HCFC1: variants seen among roughly 807,000 people sequenced by gnomAD.
The protein encoded by HCFC1 is host cell factor 1.
A neutral mutation model predicts 105.5 loss-of-function variants in HCFC1; 7 were observed. The ratio of observed to expected loss-of-function variants is 0.07; its 90% CI spans 0.04 to 0.12. HCFC1 has a LOEUF of 0.12. Among genes scored for constraint, HCFC1 ranks in the 10% least tolerant of loss-of-function variants. The pLI, the probability that HCFC1 is intolerant of heterozygous loss-of-function variation, is 1.00. For synonymous variants in HCFC1, 918 were observed against 828.1 expected, an observed-to-expected ratio of 1.11 and a Z score of -1.86; for missense variants, 1,065 against 1,823.6, an observed-to-expected ratio of 0.58 and a Z score of 7.58.
intron 9 of HCFC1, among the ~76,000 whole-genome samples, chrX:153,959,104 T>A (rs998905250): frequency 2.7e-5 from 3 of 113,131 alleles, no homozygotes; most frequent in Non-Finnish European, 5.6e-5. Context: ...AAAGTCCACG[T>A]GGCAAATGCT....
rs782321258 is a variant in HCFC1, at chrX:153,949,391, G to A, written c.6069-5C>T. 7.0e-5 allele frequency: 84 copies of A among 1,202,368 alleles called. No individual in the cohort carries two copies. The South Asian group carries it at 1.4e-3, about 21-fold the overall frequency. On this transcript the variant is annotated splice_polypyrimidine_tract_variant and splice_region_variant and intron_variant, in intron 25 of 25. Coordinates refer to ENST00000310441, the MANE Select transcript of HCFC1 (RefSeq NM_005334.3). Reference sequence around the variant, plus strand: ...GATTTCTTTGGAGCAGATTTCCTTGGAAGGCAGAAAAAGGAAAGAGAAAGT... The same window carrying A: ...GATTTCTTTGGAGCAGATTTCCTTGAAAGGCAGAAAAAGGAAAGAGAAAGT...
Position 153,962,301 on chromosome X carries a change from G to C in HCFC1, c.718C>G (p.Leu240Val). 1 of 1,204,955 alleles carries C rather than the reference G, an allele frequency of 8.3e-7. No homozygotes were observed. Among genetic ancestry groups the C allele is most frequent in the Non-Finnish European group, 1.1e-6 (1 of 889,503 alleles). The change falls in exon 5 of 26, where the codon CTG becomes GTG. Residue 240 changes from leucine (L) to valine (V), a missense_variant. Physicochemically the swap from Leu to Val is conservative, Grantham distance 32. Around this residue, in one of 17 missense-constraint regions of HCFC1, gnomAD observed 13 missense variants for 16.0 expected, o/e 0.81. Transcript: ENST00000310441. ...GDLWTLDIDT[L>V]TWNKPSLSGV... Reference sequence around the variant, plus strand: ...CTGAGACTGGGCTTATTCCACGTCAGGGTGTCTGCAGAGAGACGGAGGGGA... The same window carrying C: ...CTGAGACTGGGCTTATTCCACGTCACGGTGTCTGCAGAGAGACGGAGGGGA...
chrX:153,959,410 G>T lies in HCFC1; in HGVS notation c.1526C>A (p.Ala509Asp). ...PLVTMRPASQ[A>D]GKAPVTVTSL... ...GGTCACGGTGACAGGGGCTTTCCCA[G>T]CCTGGCTGGCAGGTCGCATGGTGAC... is the stretch of plus-strand genomic sequence containing the variant. The change falls in exon 9 of 26, where the codon GCT (alanine) becomes GAT (aspartate). Residue 509 changes from alanine to aspartate, a missense_variant. Ala to Asp is a moderately radical substitution (Grantham distance 126). This residue lies in a region of HCFC1 where 101 missense variants were observed against 155.1 expected (regional missense o/e 0.65). Transcript: ENST00000310441. The T allele has an allele frequency of 8.3e-7, 1 of 1,211,749 alleles. No homozygotes were observed. The highest frequency in any genetic ancestry group is 1.1e-6 in the Non-Finnish European group (1 of 895,303).
chrX:153,961,094 C>T (rs1280982050), intron 6 of HCFC1, among the ~76,000 whole-genome samples: 1 of 113,020 alleles, frequency 8.8e-6, no homozygotes, highest in African/African-American at 3.2e-5. Context: ...GAGGCTGCTG[C>T]GGGGCAGGGA....
chrX:153,951,813 C>G, intron 20 of HCFC1, 28 bp downstream of exon 20: 1 of 1,177,482 alleles, frequency 8.5e-7, no homozygotes, highest in Non-Finnish European at 1.1e-6. Flanking sequence ...CCCACCACCC[C>G]AGCACCAATT....
At chrX:153,970,435 G>A (rs1174650958) in intron 1 of HCFC1, among the ~76,000 whole-genome samples, 1 of 97,764 alleles carries the variant, frequency 1.0e-5, no homozygotes, top group African/African-American at 3.8e-5. Context: ...GGGGAGGGAG[G>A]GGGAGGAGGG....
At chrX:153,957,253 G>A (rs1267890409) in intron 13 of HCFC1, 61 bp downstream of exon 13, 18 of 1,035,274 alleles carry the variant, frequency 1.7e-5, no homozygotes, top group Middle Eastern at 3.3e-4. Context: ...CTTATAACCC[G>A]GACTCCATTT....
chrX:153,960,193 G>A (rs781931313), intron 7 of HCFC1, 32 bp from the exon 8 acceptor site: 10 of 1,193,182 alleles, frequency 8.4e-6, no homozygotes, highest in African/African-American at 7.0e-5. Flanking sequence ...GAGAAGGGGC[G>A]GGAGGCTATG....
chrX:153,951,244 G>A, intron 22 of HCFC1, 106 bp downstream of exon 22: 3 of 933,620 alleles, frequency 3.2e-6, no homozygotes, highest in Admixed American at 4.7e-5. Flanking sequence ...AGGCTTCCTG[G>A]CTACTCAGCT....
At chrX:153,956,088 G>A (rs1353291271) in intron 16 of HCFC1, 103 bp downstream of exon 16, 3 of 769,493 alleles carry the variant, frequency 3.9e-6, no homozygotes, top group Admixed American at 2.6e-5. Context: ...CGGCAGCAGC[G>A]CAACACCAGG....
In HCFC1 at chrX:153,952,717, G is replaced by T; in HGVS notation, c.4739C>A (p.Ser1580Tyr). The T allele has an allele frequency of 8.3e-7, 1 of 1,209,967 alleles. No homozygotes were observed. The highest frequency in any genetic ancestry group is 1.8e-5 in the South Asian group (1 of 56,909). Residue 1580 changes from serine to tyrosine, a missense_variant, in exon 19 of 26, where the codon TCC (serine) becomes TAC (tyrosine). Coordinates refer to ENST00000310441, the MANE Select transcript of HCFC1 (RefSeq NM_005334.3). ...VVVQPPPPTQ[S>Y]EVDQLSLPQE... ...GGGAAGTGATAACTGGTCTACTTCG[G>T]ACTGTGTGGGTGGGGGTGGCTGGAC...
chrX:153,957,373 G>A lies in HCFC1; in HGVS notation c.2294C>T (p.Thr765Met), dbSNP rs1197039136. 1.7e-6 allele frequency: 2 copies of A among 1,206,326 alleles called. No homozygotes were observed. The highest frequency in any genetic ancestry group is 1.8e-5 in the African/African-American group (1 of 57,067). ...SVSPSTTKPG[T>M]TTIIKTIPMS... ...GGGGATGGTTTTGATGATGGTGGTC[G>A]TGCCGGGCTTGGTGGTACTGGGGGA... The change falls in exon 13 of 26, where the codon ACG becomes ATG. Residue 765 changes from threonine (T) to methionine (M), a missense_variant. By Grantham distance (81) the Thr-to-Met change is moderately conservative. This residue lies in a region of HCFC1 where 137 missense variants were observed against 378.2 expected (regional missense o/e 0.36). Coordinates refer to ENST00000310441, the MANE Select transcript of HCFC1 (RefSeq NM_005334.3).
At chrX:153,950,755 G>A in intron 23 of HCFC1, 58 bp downstream of exon 23, 1 of 1,111,977 alleles carries the variant, frequency 9.0e-7, no homozygotes, top group Non-Finnish European at 1.2e-6. Context: ...GCCACCTCAT[G>A]TGCTGAGGCA....
At chrX:153,964,536 A>G in intron 2 of HCFC1, 42 bp downstream of exon 2, 1 of 1,164,285 alleles carries the variant, frequency 8.6e-7, no homozygotes, top group Non-Finnish European at 1.2e-6. Flanking sequence ...GTCAGGTCAC[A>G]TGGGGCCAAG....
intron 1 of HCFC1, among the ~76,000 whole-genome samples, chrX:153,966,691 G>A (rs1482817401): frequency 5.3e-5 from 6 of 112,546 alleles, no homozygotes; most frequent in African/African-American, 9.7e-5. Flanking sequence ...GACACCTGAG[G>A]TCACAGCGTA....
chrX:153,957,611 G>A, intron 12 of HCFC1, 78 bp from the exon 13 acceptor site: 3 of 894,234 alleles, frequency 3.4e-6, no homozygotes, highest in Non-Finnish European at 4.8e-6. Flanking sequence ...TCCGCCGGCA[G>A]CCTTGGCGGC....
In HCFC1 at chrX:153,955,522, C is replaced by T. The variant is rs1410219397; in HGVS notation, c.2877G>A (p.Gln959=). ...ITMQPVSQPT[Q]VTLITAPSGV... ...CACTAGGTGCCGTGATCAGAGTTAC[C>T]TGGGTGGGCTGGGACACGGGCTGGG... Residue 959 remains glutamine, a synonymous_variant, in exon 17 of 26, where the codon CAG becomes CAA. Coordinates refer to ENST00000310441, the MANE Select transcript of HCFC1 (RefSeq NM_005334.3). The T allele has an allele frequency of 1.7e-6, 2 of 1,169,679 alleles. No homozygotes were observed. Among genetic ancestry groups the T allele is most frequent in the African/African-American group, 3.6e-5 (2 of 56,249 alleles).
rs187757400 is a variant in HCFC1 at position 153,950,743 on chromosome X, C to T, written c.5703+70G>A. 3,989 of 1,068,032 alleles carry T rather than the reference C, an allele frequency of 3.7e-3. 13 individuals carry two copies. The highest frequency in any genetic ancestry group is 9.5e-3 in the Middle Eastern group (36 of 3,785). 88.0% of individuals were successfully genotyped at this position (1,068,032 alleles called of 1,213,427 possible). A position where few individuals can be genotyped will look rare whatever the true frequency, so the allele number is the denominator to read the frequency against. On this transcript the variant is annotated intron_variant, in intron 23 of 25. Coordinates refer to ENST00000310441, the MANE Select transcript of HCFC1 (RefSeq NM_005334.3). Reference sequence around the variant, plus strand: ...AACCTAGCTCTCCTATGCCCCCCCCCGGCCACCTCATGTGCTGAGGCAGGC... The same window carrying T: ...AACCTAGCTCTCCTATGCCCCCCCCTGGCCACCTCATGTGCTGAGGCAGGC...
chrX:153,964,939 C>T (rs977042048), intron 1 of HCFC1, among the ~76,000 whole-genome samples: 15 of 112,126 alleles, frequency 1.3e-4, no homozygotes, highest in African/African-American at 4.9e-4. Flanking sequence ...CTGCTTCTCG[C>T]CAAGGTCATC....
Sources: gnomAD v4.1 joint callset for allele counts (sites outside exome capture counted in the v4.1 genomes callset) on GRCh38, gnomAD v4.1.1 for gene constraint, gnomAD v4.1.1 regional missense constraint, MANE v1.5 for transcripts, NCBI Gene and HGNC (gene_info 2026-07-23, HGNC 2026-07-21) for gene names.